CNTNAP5: variants seen among roughly 807,000 people sequenced by gnomAD.
The protein encoded by CNTNAP5 is contactin-associated protein-like 5.
Under a neutral mutation model 150.2 loss-of-function variants are expected in CNTNAP5, and 72 were observed. That is an observed-to-expected ratio of 0.48 (90% CI 0.40 to 0.58). The LOEUF (loss-of-function observed/expected upper bound fraction) is 0.58. Among genes scored for constraint, CNTNAP5 ranks in the 20% least tolerant of loss-of-function variants. The probability of loss-of-function intolerance (pLI) is 0.00; values close to 1 mark genes in which losing one functional copy is unlikely to be tolerated. For synonymous variants in CNTNAP5, 672 were observed against 619.8 expected (o/e 1.08, Z -1.25); for missense variants, 1,636 against 1,626.2 (o/e 1.01, Z -0.10).
In CNTNAP5 at chr2:124,535,096, TA is replaced by T. The variant is rs199786842; in HGVS notation, c.1649+7647del. Among the ~76,000 whole-genome samples the T allele has an allele frequency of 9.7e-3, 1,483 of 152,142 alleles. 29 individuals carry two copies. The highest frequency in any genetic ancestry group is 0.034 in the African/African-American group (1,394 of 41,492). Reference sequence around the variant, plus strand: ...AATTGAACCTCACAATCTATACATATAAAAAAATGATTAGACAGACACTGAT... The same window carrying T: ...AATTGAACCTCACAATCTATACATATAAAAAATGATTAGACAGACACTGAT... On this transcript the variant is annotated intron_variant, in intron 10 of 23. Coordinates refer to ENST00000682447, the MANE Select transcript of CNTNAP5 (RefSeq NM_001367498.1).
chr2:124,123,535 T>A (rs1052173223), intron 1 of CNTNAP5, among the ~76,000 whole-genome samples: 1 of 152,136 alleles, frequency 6.6e-6, no homozygotes, highest in Non-Finnish European at 1.5e-5. Flanking sequence ...CGTCCCTGTC[T>A]GACAGCTTTG....
chr2:124,704,447 T>C (rs1321319106), intron 13 of CNTNAP5, among the ~76,000 whole-genome samples: 2 of 152,160 alleles, frequency 1.3e-5, no homozygotes, highest in African/African-American at 4.8e-5. Flanking sequence ...TCCAGGAACA[T>C]GCCAGGAACT....
At chr2:124,221,248 A>G (rs1686302151) in intron 1 of CNTNAP5, among the ~76,000 whole-genome samples, 1 of 152,318 alleles carries the variant, frequency 6.6e-6, no homozygotes, top group East Asian at 1.9e-4. Context: ...TCCTCTAGAC[A>G]CAATTATTAC....
chr2:124,260,318 A>G (rs936307127), intron 3 of CNTNAP5, among the ~76,000 whole-genome samples: 1 of 152,240 alleles, frequency 6.6e-6, no homozygotes, highest in African/African-American at 2.4e-5. Context: ...AACCATATGT[A>G]GAAAGCTGAA....
intron 17 of CNTNAP5, among the ~76,000 whole-genome samples, chr2:124,778,811 TA>T (rs1217695309): frequency 6.6e-6 from 1 of 151,236 alleles, no homozygotes; most frequent in Non-Finnish European, 1.5e-5. Context: ...ACATTCTGCT[TA>T]AAAGGATTGT....
intron 19 of CNTNAP5, among the ~76,000 whole-genome samples, chr2:124,815,067 CA>C: frequency 6.6e-6 from 1 of 152,278 alleles, no homozygotes; most frequent in South Asian, 2.1e-4. Context: ...AAAGAAACAG[CA>C]CACTTAATTC....
At chr2:124,717,412 A>G (rs1486152172) in intron 13 of CNTNAP5, among the ~76,000 whole-genome samples, 1 of 152,340 alleles carries the variant, frequency 6.6e-6, no homozygotes, top group East Asian at 1.9e-4. Context: ...AGTGCATATA[A>G]CCATAGCACC....
chr2:124,729,472 C>G (rs1680225732), intron 13 of CNTNAP5, among the ~76,000 whole-genome samples: 1 of 151,984 alleles, frequency 6.6e-6, no homozygotes, highest in Non-Finnish European at 1.5e-5. Context: ...AGGTAAAAAG[C>G]ATTAATTTCA....
intron 19 of CNTNAP5, among the ~76,000 whole-genome samples, chr2:124,809,847 A>C (rs1682166998): frequency 6.6e-6 from 1 of 152,322 alleles, no homozygotes; most frequent in African/African-American, 2.4e-5. Flanking sequence ...ATTTTATAGA[A>C]TAAAACTGAT....
intron 13 of CNTNAP5, among the ~76,000 whole-genome samples, chr2:124,678,381 G>C (rs891619756): frequency 2.0e-5 from 3 of 151,686 alleles, no homozygotes; most frequent in Admixed American, 6.7e-5. Context: ...GGACGTTCCT[G>C]TCTACATAGG....
At chr2:124,752,453 G>A (rs755078111) in intron 14 of CNTNAP5, among the ~76,000 whole-genome samples, 1 of 152,058 alleles carries the variant, frequency 6.6e-6, no homozygotes, top group Non-Finnish European at 1.5e-5. Context: ...CTGAGTGAAA[G>A]TGACACAGCT....
chr2:124,735,923 G>T (rs1680372690), intron 13 of CNTNAP5, among the ~76,000 whole-genome samples: 2 of 152,060 alleles, frequency 1.3e-5, no homozygotes, highest in African/African-American at 4.8e-5. Flanking sequence ...GAAATGGCAG[G>T]TGTATTCATA....
At chr2:124,039,753 G>A (rs1681317059) in intron 1 of CNTNAP5, among the ~76,000 whole-genome samples, 2 of 152,070 alleles carry the variant, frequency 1.3e-5, no homozygotes, top group Admixed American at 1.3e-4. Flanking sequence ...TCCCTGCTTT[G>A]TATGGGTAAT....
intron 1 of CNTNAP5, among the ~76,000 whole-genome samples, chr2:124,211,085 T>C (rs894118371): frequency 4.6e-5 from 7 of 152,188 alleles, no homozygotes; most frequent in African/African-American, 1.7e-4. Context: ...AAGTATACTA[T>C]GTTTGGTCTT....
At chr2:124,815,817 A>G (rs1267975940) in intron 19 of CNTNAP5, among the ~76,000 whole-genome samples, 1 of 152,158 alleles carries the variant, frequency 6.6e-6, no homozygotes, top group African/African-American at 2.4e-5. Flanking sequence ...AAGGTGTATA[A>G]CTGAATAATT....
At chr2:124,530,500 T>C (rs1348292739) in intron 10 of CNTNAP5, among the ~76,000 whole-genome samples, 2 of 152,136 alleles carry the variant, frequency 1.3e-5, no homozygotes, top group African/African-American at 4.8e-5. Flanking sequence ...TGATACTTCA[T>C]CCTGAGCAAA....
chr2:124,544,578 T>G (rs527806499), intron 10 of CNTNAP5, among the ~76,000 whole-genome samples: 3 of 151,448 alleles, frequency 2.0e-5, no homozygotes, highest in Non-Finnish European at 4.4e-5. Context: ...AATGGAACAC[T>G]GTGTGGTGAT....
intron 3 of CNTNAP5, among the ~76,000 whole-genome samples, chr2:124,400,685 T>TGTTTG (rs5834067): frequency 2.1e-5 from 3 of 140,976 alleles, no homozygotes; most frequent in African/African-American, 7.7e-5. Context: ...TTTTTTTTTT[T>TGTTTG]TTTGTTTTTT....
At chr2:124,416,936 C>CT (rs70996064) in intron 3 of CNTNAP5, among the ~76,000 whole-genome samples, 12,448 of 106,656 alleles carry the variant, frequency 0.12, 937 homozygotes, top group South Asian at 0.14. Flanking sequence ...AGAGGGATTT[C>CT]TTTTTTTTTT....
Sources: gnomAD v4.1 joint callset for allele counts (sites outside exome capture counted in the v4.1 genomes callset) on GRCh38, gnomAD v4.1.1 for gene constraint, MANE v1.5 for transcripts, NCBI Gene and HGNC (gene_info 2026-07-23, HGNC 2026-07-21) for gene names.